PDE1A: variants seen among roughly 807,000 people sequenced by gnomAD.
The protein encoded by PDE1A is dual specificity calcium/calmodulin-dependent 3',5'-cyclic nucleotide phosphodiesterase 1A.
In PDE1A, 35 loss-of-function variants were observed where a neutral mutation model predicts 61.7. The observed-to-expected ratio is 0.57, with a 90% CI of 0.43 to 0.75. PDE1A has a LOEUF of 0.75. PDE1A is among the 30% of genes least tolerant of loss of function. The pLI, the probability that PDE1A is intolerant of heterozygous loss-of-function variation, is 0.00. For synonymous variants in PDE1A, 232 were observed against 213.2 expected, an observed-to-expected ratio of 1.09 and a Z score of -0.77; for missense variants, 597 against 630.6, an observed-to-expected ratio of 0.95 and a Z score of 0.57.
At chr2:182,387,878 A>G (rs1045493886) in intron 1 of PDE1A, among the ~76,000 whole-genome samples, 2 of 152,222 alleles carry the variant, frequency 1.3e-5, no homozygotes, top group African/African-American at 2.4e-5. Flanking sequence ...AAATTCTCCA[A>G]TAGAAAGACA....
At chr2:182,150,703 T>C (rs1461839230) in intron 13 of PDE1A, among the ~76,000 whole-genome samples, 1 of 152,220 alleles carries the variant, frequency 6.6e-6, no homozygotes, top group Non-Finnish European at 1.5e-5. Flanking sequence ...GTCTCAATTC[T>C]TCAAGGAGCA....
intron 13 of PDE1A, among the ~76,000 whole-genome samples, chr2:182,179,566 G>T (rs1292824078): frequency 1.3e-5 from 2 of 152,150 alleles, no homozygotes; most frequent in Admixed American, 1.3e-4. Context: ...AGAAGGCATA[G>T]AGAGAATTCC....
intron 1 of PDE1A, among the ~76,000 whole-genome samples, chr2:182,415,051 A>G (rs1461293897): frequency 6.6e-6 from 1 of 152,144 alleles, no homozygotes; most frequent in Non-Finnish European, 1.5e-5. Context: ...TGAAGTAAAC[A>G]TCATGAAATA....
chr2:182,346,388 CA>C (rs1698520074), intron 1 of PDE1A, among the ~76,000 whole-genome samples: 1 of 151,990 alleles, frequency 6.6e-6, no homozygotes, highest in Admixed American at 6.6e-5. Context: ...CATAAAAGAG[CA>C]GACATGTTTT....
At chr2:182,269,594 C>T (rs920759261) in intron 1 of PDE1A, among the ~76,000 whole-genome samples, 6 of 152,056 alleles carry the variant, frequency 3.9e-5, no homozygotes, top group African/African-American at 1.4e-4. Context: ...TACTTCTGAA[C>T]TCATTCTAGG....
chr2:182,399,761 C>T (rs1038308904), intron 1 of PDE1A, among the ~76,000 whole-genome samples: 1 of 151,968 alleles, frequency 6.6e-6, no homozygotes, highest in Non-Finnish European at 1.5e-5. Flanking sequence ...CTCTATTTCA[C>T]TCCTCCTAAT....
At chr2:182,687,118 C>A in the PDE1A span, among the ~76,000 whole-genome samples, 1 of 152,224 alleles carries the variant, frequency 6.6e-6, no homozygotes, top group African/African-American at 2.4e-5. Context: ...CAGGGCATAG[C>A]TGAACAAAAG....
chr2:182,285,160 C>T (rs1339747839), intron 1 of PDE1A, among the ~76,000 whole-genome samples: 1 of 152,144 alleles, frequency 6.6e-6, no homozygotes, highest in Non-Finnish European at 1.5e-5. Flanking sequence ...ACTCTTGCTT[C>T]TGCCATCCTG....
At chr2:182,468,492 T>C (rs1384256474) in intron 2 of PDE1A, among the ~76,000 whole-genome samples, 1 of 151,998 alleles carries the variant, frequency 6.6e-6, no homozygotes, top group East Asian at 1.9e-4. Context: ...ATTCTAGTTC[T>C]CTTGCTATTT....
the PDE1A span, among the ~76,000 whole-genome samples, chr2:182,539,205 A>AC: frequency 6.6e-6 from 1 of 152,200 alleles, no homozygotes; most frequent in African/African-American, 2.4e-5. Context: ...AACATGGTTT[A>AC]TTTTACTCAT....
At chr2:182,599,463 T>G in the PDE1A span, among the ~76,000 whole-genome samples, 1,580 of 152,278 alleles carry the variant, frequency 0.01, 27 homozygotes, top group African/African-American at 0.035. Context: ...TGGTTACAAG[T>G]GAATCATTAA....
At chr2:182,424,347 C>T (rs1703472917) in intron 1 of PDE1A, among the ~76,000 whole-genome samples, 1 of 152,168 alleles carries the variant, frequency 6.6e-6, no homozygotes, top group African/African-American at 2.4e-5. Flanking sequence ...CCCACTAGCA[C>T]ACAAAACACA....
At chr2:182,585,066 C>T in the PDE1A span, among the ~76,000 whole-genome samples, 2 of 152,114 alleles carry the variant, frequency 1.3e-5, no homozygotes, top group African/African-American at 4.8e-5. Flanking sequence ...AATAGAGGAG[C>T]ACAGTAATGT....
At chr2:182,318,166 T>C (rs1339500074) in intron 1 of PDE1A, among the ~76,000 whole-genome samples, 1 of 152,146 alleles carries the variant, frequency 6.6e-6, no homozygotes, top group Non-Finnish European at 1.5e-5. Context: ...GGCTCACACT[T>C]TTAGCTGACT....
At chr2:182,536,454 G>T in the PDE1A span, among the ~76,000 whole-genome samples, 1 of 152,102 alleles carries the variant, frequency 6.6e-6, no homozygotes, top group Admixed American at 6.6e-5. Context: ...AGCAGAAATT[G>T]TTGAGTGCCT....
At chr2:182,212,757 G>C (rs191747484) in intron 7 of PDE1A, among the ~76,000 whole-genome samples, 1 of 152,368 alleles carries the variant, frequency 6.6e-6, no homozygotes, top group East Asian at 1.9e-4. Context: ...ACCTGGCTCG[G>C]AGGGTCCTAT....
At chr2:182,492,967 A>G (rs1373317655) in intron 2 of PDE1A, among the ~76,000 whole-genome samples, 2 of 143,962 alleles carry the variant, frequency 1.4e-5, no homozygotes, top group South Asian at 2.3e-4. Flanking sequence ...TAATGCCCAC[A>G]TGTACAATTA....
At chr2:182,582,581 A>T in the PDE1A span, among the ~76,000 whole-genome samples, 1 of 152,248 alleles carries the variant, frequency 6.6e-6, no homozygotes, top group Non-Finnish European at 1.5e-5. Context: ...TGGACAAAAG[A>T]GATGGGAGAG....
At chr2:182,276,866 G>A (rs1234106413) in intron 1 of PDE1A, among the ~76,000 whole-genome samples, 2 of 152,014 alleles carry the variant, frequency 1.3e-5, no homozygotes, top group African/African-American at 2.4e-5. Flanking sequence ...TCTGTCTTAT[G>A]TGGTTGAGAT....
Sources: gnomAD v4.1 joint callset for allele counts (sites outside exome capture counted in the v4.1 genomes callset) on GRCh38, gnomAD v4.1.1 for gene constraint, MANE v1.5 for transcripts, NCBI Gene and HGNC (gene_info 2026-07-23, HGNC 2026-07-21) for gene names.